Variants in EIF3L observed in about 807,000 individuals in gnomAD.
EIF3L encodes the protein eukaryotic translation initiation factor 3 subunit L.
A neutral mutation model predicts 74.6 loss-of-function variants in EIF3L; 32 were observed. That is an observed-to-expected ratio of 0.43 (90% CI 0.32 to 0.58). EIF3L has a LOEUF of 0.58. EIF3L is among the 20% of genes least tolerant of loss of function. The probability of loss-of-function intolerance (pLI) is 0.06; values close to 1 mark genes in which losing one functional copy is unlikely to be tolerated. For missense variants in EIF3L, 474 were observed against 707.8 expected, an observed-to-expected ratio of 0.67 and a Z score of 3.75; for synonymous variants, 256 against 254.4, an observed-to-expected ratio of 1.01 and a Z score of -0.06.
rs535977242 is a variant in EIF3L, at chr22:37,870,677, C to A, written c.751+330C>A. Among the ~76,000 whole-genome samples the A allele has an allele frequency of 4.6e-5, 7 of 152,222 alleles. No homozygotes were observed. In the South Asian group the frequency reaches 1.5e-3, roughly 32 times the overall value. On this transcript the variant is annotated intron_variant, in intron 8 of 12. Coordinates refer to ENST00000652021, the MANE Select transcript of EIF3L (RefSeq NM_016091.4). ...CTTTACCCTGTTAAAATATTGAGAA[C>A]CACAAAATGTATCTATTTTAAAAAA...
intron 4 of EIF3L, 151 bp downstream of exon 4, chr22:37,855,795 T>C (rs1378943045): frequency 1.7e-6 from 1 of 590,812 alleles, no homozygotes; most frequent in African/African-American, 1.8e-5. Context: ...AAATAACTTG[T>C]CGAAGGCTGG....
intron 11 of EIF3L, chr22:37,881,165 A>G (rs943761158): frequency 6.6e-5 from 10 of 152,242 alleles, no homozygotes; most frequent in Admixed American, 5.9e-4. Flanking sequence ...GGTGGGTTGA[A>G]GAACAGTGTT....
chr22:37,854,023 G>T (rs1003618902), intron 3 of EIF3L, among the ~76,000 whole-genome samples: 5 of 152,242 alleles, frequency 3.3e-5, no homozygotes, highest in African/African-American at 1.2e-4. Flanking sequence ...GCATTGGGCA[G>T]TGCCCGCAGA....
At position 37,860,442 on chromosome 22, in the gene EIF3L, T is replaced by C. The variant is rs144995298; in HGVS notation, c.435+1702T>C. 4.1e-3 allele frequency among the ~76,000 whole-genome samples: 618 copies of C among 152,280 alleles called. 3 individuals carry two copies. The highest frequency in any genetic ancestry group is 0.014 in the African/African-American group (590 of 41,564). On this transcript the variant is annotated intron_variant, in intron 5 of 12. Transcript: ENST00000652021. The stretch of plus-strand genomic sequence containing the variant: ...CCGTCTCGGCTCACTCCAACCTCTG[T>C]CTCCTGGGCTCAAGCAATTCTCCAG...
rs373478865 is a variant in EIF3L, at chr22:37,870,282, A to G, written c.686A>G (p.Asn229Ser). The change falls in exon 8 of 13, where the codon AAT becomes AGT. Residue 229 changes from asparagine to serine, a missense_variant. Physicochemically the swap from Asn to Ser is conservative, Grantham distance 46. This residue lies in a region of EIF3L where 293 missense variants were observed against 469.1 expected (regional missense o/e 0.62). Transcript: ENST00000652021. ...ATCTGGAATGTTCATAGTGTCCTCAATGTCCTTCATTCCCTGGTAGACAAA... is the reference window on the plus strand; with the variant it reads ...ATCTGGAATGTTCATAGTGTCCTCAGTGTCCTTCATTCCCTGGTAGACAAA... The part of the protein sequence containing the change: ...PKIWNVHSVL[N>S]VLHSLVDKSN... 1.2e-6 allele frequency: 2 copies of G among 1,614,010 alleles called. No homozygotes were observed. Among genetic ancestry groups the G allele is most frequent in the Non-Finnish European group, 1.7e-6 (2 of 1,179,944 alleles).
At chr22:37,865,546 T>G (rs1926104473) in intron 7 of EIF3L, among the ~76,000 whole-genome samples, 2 of 152,192 alleles carry the variant, frequency 1.3e-5, no homozygotes. Context: ...CTCTAACTGA[T>G]TATTTCAGGA....
chr22:37,863,434 G>T, intron 7 of EIF3L, 89 bp downstream of exon 7: 1 of 1,092,320 alleles, frequency 9.2e-7, no homozygotes, highest in Non-Finnish European at 1.4e-6. Context: ...GCTGCAGGGT[G>T]TAAAAATATC....
intron 4 of EIF3L, among the ~76,000 whole-genome samples, chr22:37,858,267 G>GC (rs1035942307): frequency 5.8e-5 from 6 of 103,890 alleles, no homozygotes; most frequent in African/African-American, 2.3e-4. Context: ...TCACTGTGTT[G>GC]CCCATGCTGG....
At position 37,864,442 on chromosome 22, in the gene EIF3L, G is replaced by T. The variant is rs368930549; in HGVS notation, c.579+1097G>T. On this transcript the variant is annotated intron_variant, in intron 7 of 12. Coordinates refer to ENST00000652021, the MANE Select transcript of EIF3L (RefSeq NM_016091.4). ...AATATCACCTACCTCAGGAGTTGCTGTTCAAGGTCGAATGAGAACTGTGCC... is the reference window on the plus strand; with the variant it reads ...AATATCACCTACCTCAGGAGTTGCTTTTCAAGGTCGAATGAGAACTGTGCC... 8.5e-5 allele frequency among the ~76,000 whole-genome samples: 13 copies of T among 152,160 alleles called. No individual in the cohort carries two copies. In the East Asian group the frequency reaches 1.4e-3, roughly 16 times the overall value.
chr22:37,861,097 ATC>A (rs1925831750), intron 5 of EIF3L, among the ~76,000 whole-genome samples: 1 of 152,100 alleles, frequency 6.6e-6, no homozygotes. Context: ...CACCAATATA[ATC>A]CAGTGCCTAG....
At chr22:37,862,036 A>C (rs1342024674) in intron 5 of EIF3L, among the ~76,000 whole-genome samples, 1 of 152,194 alleles carries the variant, frequency 6.6e-6, no homozygotes, top group Non-Finnish European at 1.5e-5. Context: ...GGGTCTTGCC[A>C]TGTTGCCCAG....
chr22:37,880,839 A>G (rs1927012297), intron 11 of EIF3L: 1 of 152,154 alleles, frequency 6.6e-6, no homozygotes, highest in Non-Finnish European at 1.5e-5. Flanking sequence ...ATATAATGGA[A>G]TTACACAGTA....
intron 11 of EIF3L, chr22:37,883,990 A>G (rs530074097): frequency 2.6e-5 from 4 of 152,286 alleles, no homozygotes; most frequent in African/African-American, 4.8e-5. Context: ...TTTTGCAACC[A>G]TCTCCACTGT....
chr22:37,862,861 G>A, intron 5 of EIF3L, 108 bp from the exon 6 acceptor site: 3 of 801,090 alleles, frequency 3.7e-6, no homozygotes, highest in Non-Finnish European at 6.0e-6. Context: ...AGAAAGAGAG[G>A]ACAGATACCA....
At chr22:37,858,142 C>T (rs2145805016) in intron 4 of EIF3L, among the ~76,000 whole-genome samples, 1 of 151,776 alleles carries the variant, frequency 6.6e-6, no homozygotes, top group Non-Finnish European at 1.5e-5. Flanking sequence ...TATCACTGCA[C>T]TCCAACCTTG....
chr22:37,865,458 C>CA (rs902682999), intron 7 of EIF3L, among the ~76,000 whole-genome samples: 59 of 140,298 alleles, frequency 4.2e-4, no homozygotes, highest in African/African-American at 9.5e-4. Flanking sequence ...GACTCTGTCT[C>CA]AAAAAAAAAA....
intron 4 of EIF3L, among the ~76,000 whole-genome samples, chr22:37,856,849 A>G (rs2145802659): frequency 6.6e-6 from 1 of 151,914 alleles, no homozygotes; most frequent in South Asian, 2.1e-4. Context: ...CGCCTCAAAA[A>G]AAAAAAAAGA....
At chr22:37,870,945 T>C (rs542368886) in intron 8 of EIF3L, among the ~76,000 whole-genome samples, 1 of 152,108 alleles carries the variant, frequency 6.6e-6, no homozygotes, top group Admixed American at 6.6e-5. Context: ...GGCAATATAG[T>C]GAGACTTTGT....
At chr22:37,878,847 C>G (rs556087917) in intron 11 of EIF3L, 2 of 151,906 alleles carry the variant, frequency 1.3e-5, no homozygotes, top group South Asian at 2.1e-4. Context: ...GTGGGAAGCA[C>G]AGGTTGCAAT....
Sources: gnomAD v4.1 joint callset for allele counts (sites outside exome capture counted in the v4.1 genomes callset) on GRCh38, gnomAD v4.1.1 for gene constraint, gnomAD v4.1.1 regional missense constraint, MANE v1.5 for transcripts, NCBI Gene and HGNC (gene_info 2026-07-23, HGNC 2026-07-21) for gene names.